Variants in RBFOX1 observed in about 807,000 individuals in gnomAD.
The protein encoded by RBFOX1 is RNA binding protein fox-1 homolog 1.
A neutral mutation model predicts 57.7 loss-of-function variants in RBFOX1; 8 were observed. That is an observed-to-expected ratio of 0.14 (90% confidence interval 0.08 to 0.25). The LOEUF is 0.25. Ranked by LOEUF, RBFOX1 falls within the 10% of genes least tolerant of loss-of-function variation. RBFOX1 has a pLI of 1.00. For missense variants in RBFOX1, 611 were observed against 548.5 expected (o/e 1.11, Z -1.14); for synonymous variants, 326 against 222.4 (o/e 1.47, Z -4.15).
intron 2 of RBFOX1, among the ~76,000 whole-genome samples, chr16:6,321,133 A>G (rs558841125): frequency 8.4e-4 from 128 of 152,340 alleles, no homozygotes; most frequent in African/African-American, 3.0e-3. Context: ...GACAAACAAT[A>G]ATTGCACATA....
chr16:7,020,675 A>G (rs544245410), intron 3 of RBFOX1, among the ~76,000 whole-genome samples: 1 of 152,312 alleles, frequency 6.6e-6, no homozygotes, highest in East Asian at 1.9e-4. Flanking sequence ...GACATTGGAC[A>G]CTGTCTGTGT....
intron 4 of RBFOX1, among the ~76,000 whole-genome samples, chr16:5,903,042 G>A (rs1430097955): frequency 6.6e-6 from 1 of 152,056 alleles, no homozygotes; most frequent in Non-Finnish European, 1.5e-5. Context: ...TAGGCTCCTA[G>A]CCTTTTCTTG....
At chr16:7,219,504 G>T (rs1229433862) in intron 4 of RBFOX1, among the ~76,000 whole-genome samples, 2 of 152,156 alleles carry the variant, frequency 1.3e-5, no homozygotes, top group East Asian at 1.9e-4. Flanking sequence ...GCTACTGTTA[G>T]GTGTGTTTAA....
intron 4 of RBFOX1, among the ~76,000 whole-genome samples, chr16:7,080,185 C>T (rs1029138032): frequency 6.6e-6 from 1 of 151,530 alleles, no homozygotes; most frequent in Non-Finnish European, 1.5e-5. Context: ...AATAAAATGT[C>T]CCATTCCCAT....
chr16:7,509,464 T>C (rs1430130145), intron 4 of RBFOX1, among the ~76,000 whole-genome samples: 1 of 151,788 alleles, frequency 6.6e-6, no homozygotes, highest in Non-Finnish European at 1.5e-5. Flanking sequence ...TTTTTGGTGA[T>C]GTGATTTTTA....
Position 5,378,730 on chromosome 16 carries a change from C to G in RBFOX1, c.220-88486C>G, listed in dbSNP as rs186165011. Among the ~76,000 whole-genome samples, 4 of 151,664 alleles carry G rather than the reference C, an allele frequency of 2.6e-5. No homozygotes were observed. In the East Asian group the frequency reaches 7.7e-4, roughly 29 times the overall value. Reference sequence around the variant, plus strand: ...CGGATATTCCCATGACTTACGTTTTCTGAGCCTCAGTTTTGTCATCTGTAA... The same window carrying G: ...CGGATATTCCCATGACTTACGTTTTGTGAGCCTCAGTTTTGTCATCTGTAA... On this transcript the variant is annotated intron_variant, in intron 1 of 2. Transcript: ENST00000585867.
intron 3 of RBFOX1, among the ~76,000 whole-genome samples, chr16:6,917,383 C>T (rs547799768): frequency 1.3e-5 from 2 of 152,302 alleles, no homozygotes; most frequent in African/African-American, 4.8e-5. Context: ...AGTTTCTGAA[C>T]TTGAGTGTAG....
chr16:5,899,109 C>A (rs1163977493), intron 4 of RBFOX1, among the ~76,000 whole-genome samples: 1 of 139,470 alleles, frequency 7.2e-6, no homozygotes, highest in African/African-American at 2.7e-5. Flanking sequence ...TGCACCACTG[C>A]ACTCCAGCCC....
At chr16:5,794,850 G>C (rs1008027436) in intron 3 of RBFOX1, among the ~76,000 whole-genome samples, 4 of 152,144 alleles carry the variant, frequency 2.6e-5, no homozygotes, top group African/African-American at 9.7e-5. Flanking sequence ...GCCGCCAAGA[G>C]GCTGCAATCC....
intron 1 of RBFOX1, among the ~76,000 whole-genome samples, chr16:5,420,656 C>T (rs914214976): frequency 6.6e-6 from 1 of 152,082 alleles, no homozygotes; most frequent in Admixed American, 6.6e-5. Flanking sequence ...TCTGCAGGAC[C>T]CTGAGTTGCT....
intron 3 of RBFOX1, among the ~76,000 whole-genome samples, chr16:6,899,120 T>C (rs2067785892): frequency 2.0e-5 from 3 of 151,244 alleles, no homozygotes; most frequent in African/African-American, 4.9e-5. Flanking sequence ...TACGTGTTTA[T>C]GCATATGTGT....
At position 7,193,792 on chromosome 16, in the gene RBFOX1, G is replaced by A. The variant is rs538962689; in HGVS notation, c.27+141694G>A. ...ATTAGTACTAGACTCTAGCACAACAGGTCCTAGAAGATATTATGGTAATGT... is the reference window on the plus strand; with the variant it reads ...ATTAGTACTAGACTCTAGCACAACAAGTCCTAGAAGATATTATGGTAATGT... On this transcript the variant is annotated intron_variant, in intron 4 of 15. Transcript: ENST00000550418. Among the ~76,000 whole-genome samples the A allele has an allele frequency of 6.9e-4, 105 of 152,248 alleles. 2 individuals carry two copies. The South Asian group carries it at 0.022, about 32-fold the overall frequency.
chr16:5,995,315 T>C (rs2059342414), intron 4 of RBFOX1, among the ~76,000 whole-genome samples: 1 of 152,164 alleles, frequency 6.6e-6, no homozygotes, highest in Non-Finnish European at 1.5e-5. Flanking sequence ...CAAATCCACA[T>C]ATTGTCTTGA....
intron 1 of RBFOX1, among the ~76,000 whole-genome samples, chr16:6,105,788 G>A (rs987241655): frequency 1.3e-5 from 2 of 151,944 alleles, no homozygotes; most frequent in East Asian, 1.9e-4. Flanking sequence ...TTTCCTGTAT[G>A]TATGTGAGAA....
intron 4 of RBFOX1, among the ~76,000 whole-genome samples, chr16:7,079,176 CA>C (rs1375053913): frequency 2.6e-5 from 4 of 152,126 alleles, no homozygotes; most frequent in African/African-American, 9.7e-5. Flanking sequence ...TCACTGACTT[CA>C]CTTCCTATCT....
chr16:7,358,953 C>G (rs148390606), intron 4 of RBFOX1, among the ~76,000 whole-genome samples: 1 of 152,304 alleles, frequency 6.6e-6, no homozygotes, highest in African/African-American at 2.4e-5. Context: ...TAAAACATTT[C>G]TCCTTTTAAT....
chr16:5,692,712 T>C (rs1377245164), intron 3 of RBFOX1, among the ~76,000 whole-genome samples: 1 of 152,118 alleles, frequency 6.6e-6, no homozygotes, highest in African/African-American at 2.4e-5. Context: ...GTTCTTTGTG[T>C]ACTTGGTTTG....
At chr16:5,348,155 C>G (rs553094394) in intron 1 of RBFOX1, among the ~76,000 whole-genome samples, 5 of 151,688 alleles carry the variant, frequency 3.3e-5, no homozygotes, top group African/African-American at 9.7e-5. Context: ...TGTATCCATC[C>G]ACCCATCCAC....
Position 6,858,794 on chromosome 16 carries a change from T to G in RBFOX1, c.-15-193263T>G, listed in dbSNP as rs185149342. Among the ~76,000 whole-genome samples the G allele has an allele frequency of 4.5e-4, 69 of 152,080 alleles. No individual in the cohort carries two copies. In the Middle Eastern group the frequency reaches 0.014, roughly 30 times the overall value. On this transcript the variant is annotated intron_variant, in intron 3 of 15. Transcript: ENST00000550418. ...TGAAAGTTTTAGAAAACCCAGAAATTAGAGCAGTGGCATTCGCCTCTGCTG... is the reference window on the plus strand; with the variant it reads ...TGAAAGTTTTAGAAAACCCAGAAATGAGAGCAGTGGCATTCGCCTCTGCTG...
Sources: gnomAD v4.1 joint callset for allele counts (sites outside exome capture counted in the v4.1 genomes callset) on GRCh38, gnomAD v4.1.1 for gene constraint, MANE v1.5 for transcripts, NCBI Gene and HGNC (gene_info 2026-07-23, HGNC 2026-07-21) for gene names.